The following THEMIS variants were observed in gnomAD, a reference collection of about 807,000 sequenced individuals.
THEMIS encodes the protein thymocyte selection associated.
In THEMIS, 37 loss-of-function variants were observed where a neutral mutation model predicts 52.6. That is an observed-to-expected ratio of 0.70 (90% CI 0.54 to 0.93). The LOEUF (loss-of-function observed/expected upper bound fraction) is 0.93. THEMIS is among the 40% of genes least tolerant of loss of function. THEMIS has a pLI of 0.00. For missense variants in THEMIS, 808 were observed against 763.1 expected, an observed-to-expected ratio of 1.06 and a Z score of -0.69; for synonymous variants, 292 against 272.7, an observed-to-expected ratio of 1.07 and a Z score of -0.70.
intron 5 of THEMIS, among the ~76,000 whole-genome samples, chr6:127,719,345 T>G (rs1178693488): frequency 1.3e-5 from 2 of 151,986 alleles, no homozygotes. Flanking sequence ...CTCAATTATT[T>G]TAACCTCTTT....
chr6:127,741,090 T>TA (rs1423628847), intron 4 of THEMIS, among the ~76,000 whole-genome samples: 2 of 152,202 alleles, frequency 1.3e-5, no homozygotes, highest in Non-Finnish European at 2.9e-5. Context: ...AATTCTGTTT[T>TA]AAATATTCAA....
intron 2 of THEMIS, 112 bp downstream of exon 2, chr6:127,854,918 C>T (rs1779564824): frequency 2.3e-6 from 2 of 881,108 alleles, no homozygotes; most frequent in African/African-American, 3.5e-5. Context: ...TTTTCCCCCC[C>T]ATTATCCTAG....
chr6:127,862,428 A>T (rs1228842941), intron 1 of THEMIS, among the ~76,000 whole-genome samples: 7 of 72,788 alleles, frequency 9.6e-5, no homozygotes, highest in Non-Finnish European at 1.1e-4. Flanking sequence ...TAGGGAGTAA[A>T]TTTTTTTTTT....
intron 4 of THEMIS, among the ~76,000 whole-genome samples, chr6:127,761,736 T>G (rs1392490024): frequency 1.3e-5 from 2 of 151,962 alleles, no homozygotes; most frequent in African/African-American, 4.8e-5. Flanking sequence ...AAATAAATCT[T>G]TCTCTTTCTC....
chr6:127,800,051 A>G (rs1430013693), intron 4 of THEMIS, among the ~76,000 whole-genome samples: 2 of 152,316 alleles, frequency 1.3e-5, no homozygotes. Flanking sequence ...TTTATACCTG[A>G]AAAGCAATAA....
intron 4 of THEMIS, among the ~76,000 whole-genome samples, chr6:127,724,702 T>C (rs1056954693): frequency 3.9e-4 from 59 of 152,224 alleles, no homozygotes; most frequent in African/African-American, 1.3e-3. Flanking sequence ...TATTTTTATG[T>C]TATTCTTGGC....
At chr6:127,868,729 C>T (rs1010815946) in intron 1 of THEMIS, among the ~76,000 whole-genome samples, 36 of 152,022 alleles carry the variant, frequency 2.4e-4, no homozygotes, top group East Asian at 1.5e-3. Flanking sequence ...TTAATGGAGA[C>T]GATAAGCTGT....
chr6:127,719,561 G>T, intron 5 of THEMIS, 127 bp downstream of exon 5: 1 of 738,078 alleles, frequency 1.4e-6, no homozygotes, highest in African/African-American at 1.8e-5. Flanking sequence ...GATTGGCAGA[G>T]CAGGGTGATC....
intron 5 of THEMIS, among the ~76,000 whole-genome samples, chr6:127,712,863 GAA>G (rs1774030210): frequency 6.6e-6 from 1 of 151,848 alleles, no homozygotes; most frequent in Non-Finnish European, 1.5e-5. Context: ...TAAAGTGAAA[GAA>G]AATTTCAATT....
chr6:127,884,919 T>A (rs1780600189), intron 1 of THEMIS, among the ~76,000 whole-genome samples: 1 of 152,070 alleles, frequency 6.6e-6, no homozygotes, highest in African/African-American at 2.4e-5. Flanking sequence ...CACACACGCA[T>A]GTGTGCATGT....
intron 2 of THEMIS, among the ~76,000 whole-genome samples, chr6:127,838,934 G>A (rs1778957166): frequency 6.6e-6 from 1 of 152,046 alleles, no homozygotes; most frequent in Non-Finnish European, 1.5e-5. Context: ...ATTTATTGAT[G>A]CAGTTTTTGA....
At chr6:127,832,593 C>G (rs1261166131) in intron 2 of THEMIS, among the ~76,000 whole-genome samples, 1 of 151,838 alleles carries the variant, frequency 6.6e-6, no homozygotes, top group Non-Finnish European at 1.5e-5. Context: ...TTTTTTTCAT[C>G]TTTTTCTCAA....
At chr6:127,835,081 T>A (rs1376724347) in intron 2 of THEMIS, among the ~76,000 whole-genome samples, 1 of 152,170 alleles carries the variant, frequency 6.6e-6, no homozygotes, top group East Asian at 1.9e-4. Flanking sequence ...TGCAGAGCAC[T>A]GTTCCTTGTG....
intron 4 of THEMIS, among the ~76,000 whole-genome samples, chr6:127,732,125 T>C (rs1774832118): frequency 6.6e-6 from 1 of 151,744 alleles, no homozygotes; most frequent in Admixed American, 6.6e-5. Context: ...ACAAGTATCT[T>C]CATATTCTCG....
intron 4 of THEMIS, chr6:127,807,412 T>C (rs1777755851): frequency 9.8e-6 from 2 of 203,202 alleles, no homozygotes; most frequent in Non-Finnish European, 2.0e-5. Context: ...AAATTGTATC[T>C]CACAGTCAAA....
At chr6:127,889,698 C>T (rs1381136021) in intron 1 of THEMIS, among the ~76,000 whole-genome samples, 1 of 143,470 alleles carries the variant, frequency 7.0e-6, no homozygotes, top group Non-Finnish European at 1.6e-5. Context: ...TTTATCTCTG[C>T]ATCGGATAGT....
chr6:127,707,748 C>T (rs1346350351), downstream of THEMIS, among the ~76,000 whole-genome samples: 1 of 152,054 alleles, frequency 6.6e-6, no homozygotes, highest in Non-Finnish European at 1.5e-5. Context: ...AACCAAGAAC[C>T]TTTGGTTAAA....
intron 2 of THEMIS, among the ~76,000 whole-genome samples, chr6:127,833,620 C>T (rs1178948918): frequency 6.6e-6 from 1 of 152,112 alleles, no homozygotes; most frequent in Non-Finnish European, 1.5e-5. Context: ...CCTCTCTTTA[C>T]ATGGATCAGC....
At chr6:127,846,832 CA>C (rs373311715) in intron 2 of THEMIS, among the ~76,000 whole-genome samples, 2 of 147,496 alleles carry the variant, frequency 1.4e-5, no homozygotes, top group African/African-American at 5.0e-5. Context: ...AAGGCCTTAA[CA>C]AAAAAAAAGA....
Sources: gnomAD v4.1 joint callset for allele counts (sites outside exome capture counted in the v4.1 genomes callset) on GRCh38, gnomAD v4.1.1 for gene constraint, MANE v1.5 for transcripts, NCBI Gene and HGNC (gene_info 2026-07-23, HGNC 2026-07-21) for gene names.